The following GRM7 variants were observed in gnomAD, a reference collection of about 807,000 sequenced individuals.
GRM7 encodes metabotropic glutamate receptor 7.
A neutral mutation model predicts 84.5 loss-of-function variants in GRM7; 35 were observed. The ratio of observed to expected loss-of-function variants is 0.41; its 90% CI spans 0.32 to 0.55. The LOEUF is 0.55. GRM7 is among the 20% of genes least tolerant of loss of function. The pLI, the probability that GRM7 is intolerant of heterozygous loss-of-function variation, is 0.19. For synonymous variants in GRM7, 487 were observed against 455.1 expected (o/e 1.07, Z -0.89); for missense variants, 1,003 against 1,194.6 (o/e 0.84, Z 2.36).
chr3:7,628,132 AT>A (rs1481787725), intron 8 of GRM7, among the ~76,000 whole-genome samples: 1 of 152,194 alleles, frequency 6.6e-6, no homozygotes, highest in Non-Finnish European at 1.5e-5. Flanking sequence ...AACTTGAGGC[AT>A]TTTTTTCTTA....
At chr3:7,550,396 T>C (rs13067740) in intron 7 of GRM7, among the ~76,000 whole-genome samples, 1 of 143,760 alleles carries the variant, frequency 7.0e-6, no homozygotes. Flanking sequence ...TTGCTTGCTT[T>C]CTTTCTTTTC....
At position 7,360,242 on chromosome 3, in the gene GRM7, C is replaced by T. The variant is rs149324911; in HGVS notation, c.1033+53590C>T. Among the ~76,000 whole-genome samples, 497 of 145,690 alleles carry T rather than the reference C, an allele frequency of 3.4e-3. 47 individuals are homozygous for T. The highest frequency in any genetic ancestry group is 0.012 in the African/African-American group (464 of 38,112). ...TTGAATAAACCTAAATTTGTTTATTCGCAAGCCATTTTTATTAGGAAATAG... is the reference window on the plus strand; with the variant it reads ...TTGAATAAACCTAAATTTGTTTATTTGCAAGCCATTTTTATTAGGAAATAG... On this transcript the variant is annotated intron_variant, in intron 4 of 9. Coordinates refer to ENST00000357716, the MANE Select transcript of GRM7 (RefSeq NM_000844.4).
chr3:7,618,420 C>T (rs1001654030), intron 8 of GRM7, among the ~76,000 whole-genome samples: 1 of 152,046 alleles, frequency 6.6e-6, no homozygotes, highest in African/African-American at 2.4e-5. Flanking sequence ...TTCAAGCAAT[C>T]AAAAATATGA....
At chr3:7,467,018 T>C (rs376339601) in intron 7 of GRM7, among the ~76,000 whole-genome samples, 39 of 152,328 alleles carry the variant, frequency 2.6e-4, no homozygotes, top group African/African-American at 7.9e-4. Flanking sequence ...AATGAACCTG[T>C]ACTTTTTAAA....
At chr3:7,563,873 T>C (rs1482563760) in intron 7 of GRM7, among the ~76,000 whole-genome samples, 1 of 152,218 alleles carries the variant, frequency 6.6e-6, no homozygotes, top group African/African-American at 2.4e-5. Flanking sequence ...CTGCTGTTTT[T>C]AGGTAGAGAT....
chr3:7,167,307 G>A (rs887031573), intron 2 of GRM7, among the ~76,000 whole-genome samples: 9 of 152,068 alleles, frequency 5.9e-5, no homozygotes, highest in African/African-American at 2.2e-4. Context: ...TGTGACACAG[G>A]GCCCTCATCA....
intron 1 of GRM7, among the ~76,000 whole-genome samples, chr3:7,073,096 T>TCA (rs1697944851): frequency 6.6e-6 from 1 of 152,152 alleles, no homozygotes; most frequent in South Asian, 2.1e-4. Context: ...GAAAATCTTT[T>TCA]TATTTTTTAT....
intron 4 of GRM7, among the ~76,000 whole-genome samples, chr3:7,385,382 G>T (rs13073743): frequency 0.053 from 7,366 of 137,792 alleles, 256 homozygotes; most frequent in South Asian, 0.08. Flanking sequence ...CTCACTGCAA[G>T]CTCTGCCTCC....
Position 7,415,042 on chromosome 3 carries a change from G to C in GRM7, c.1053G>C (p.Thr351=). 1 of 1,612,652 alleles carries C rather than the reference G, an allele frequency of 6.2e-7. No individual in the cohort carries two copies. Among genetic ancestry groups the C allele is most frequent in the Non-Finnish European group, 8.5e-7 (1 of 1,179,032 alleles). ...GTTTAGGGTTTGATGCCTACTTTAC[G>C]TCCCGTACACTTGAAAACAACAGAA... The part of the protein sequence containing the change: ...ATVEGFDAYF[T]SRTLENNRRN... Residue 351 remains threonine, a synonymous_variant, in exon 5 of 10, where the codon ACG becomes ACC. Transcript: ENST00000357716.
chr3:7,100,760 C>CA (rs1699083321), intron 1 of GRM7, among the ~76,000 whole-genome samples: 1 of 151,798 alleles, frequency 6.6e-6, no homozygotes, highest in Admixed American at 6.6e-5. Flanking sequence ...TCCATCTACA[C>CA]AAAAAACCTT....
chr3:7,168,464 C>T (rs1401599861), intron 2 of GRM7, among the ~76,000 whole-genome samples: 3 of 152,180 alleles, frequency 2.0e-5, no homozygotes, highest in Non-Finnish European at 4.4e-5. Flanking sequence ...AGAGATCTCT[C>T]TCTCTTTCCA....
At chr3:6,903,895 A>G (rs1009643950) in intron 1 of GRM7, among the ~76,000 whole-genome samples, 11 of 152,132 alleles carry the variant, frequency 7.2e-5, no homozygotes, top group African/African-American at 2.7e-4. Flanking sequence ...TTCATATACA[A>G]TATTGCCATT....
At chr3:7,334,864 A>G (rs1158767603) in intron 4 of GRM7, among the ~76,000 whole-genome samples, 1 of 152,122 alleles carries the variant, frequency 6.6e-6, no homozygotes, top group Non-Finnish European at 1.5e-5. Context: ...ACAGGAAAAT[A>G]TGACATAAAT....
intron 1 of GRM7, among the ~76,000 whole-genome samples, chr3:7,052,720 G>GTTTTTTTTTTTTTTTTTTT (rs372132445): frequency 1.1e-4 from 11 of 101,552 alleles, no homozygotes; most frequent in East Asian, 5.8e-4. Flanking sequence ...AGTATCGGTA[G>GTTTTTTTTTTTTTTTTTTT]TTTTTTTTTT....
At chr3:7,735,549 G>T (rs912604767) in intron 9 of GRM7, among the ~76,000 whole-genome samples, 2 of 152,078 alleles carry the variant, frequency 1.3e-5, no homozygotes, top group African/African-American at 4.8e-5. Flanking sequence ...TCAGAATATA[G>T]CCCAACACAT....
chr3:6,973,270 A>C (rs1462189258), intron 1 of GRM7, among the ~76,000 whole-genome samples: 2 of 151,896 alleles, frequency 1.3e-5, no homozygotes, highest in Non-Finnish European at 2.9e-5. Context: ...TCATTCATTC[A>C]TTCCTTCTTT....
chr3:7,535,887 A>G (rs186935699), intron 7 of GRM7, among the ~76,000 whole-genome samples: 1 of 152,302 alleles, frequency 6.6e-6, no homozygotes, highest in East Asian at 1.9e-4. Context: ...TCATCCCACA[A>G]GGACATTATC....
At chr3:6,908,711 A>G (rs1261404244) in intron 1 of GRM7, among the ~76,000 whole-genome samples, 1 of 152,130 alleles carries the variant, frequency 6.6e-6, no homozygotes, top group Non-Finnish European at 1.5e-5. Flanking sequence ...TACTATATAA[A>G]AAGACCAGTC....
chr3:7,137,290 G>A (rs1408230494), intron 1 of GRM7, among the ~76,000 whole-genome samples: 2 of 152,068 alleles, frequency 1.3e-5, no homozygotes, highest in Admixed American at 6.6e-5. Flanking sequence ...TATTTTAAAG[G>A]TAAAATTAGA....
Sources: gnomAD v4.1 joint callset for allele counts (sites outside exome capture counted in the v4.1 genomes callset) on GRCh38, gnomAD v4.1.1 for gene constraint, MANE v1.5 for transcripts, NCBI Gene and HGNC (gene_info 2026-07-23, HGNC 2026-07-21) for gene names.